The following LZIC variants were observed in gnomAD, a reference collection of about 807,000 sequenced individuals.
LZIC encodes leucine zipper and CTNNBIP1 domain containing.
Under a neutral mutation model 25.4 loss-of-function variants are expected in LZIC, and 28 were observed. The observed-to-expected ratio is 1.10, with a 90% CI of 0.82 to 1.51. The LOEUF is 1.51. Among genes scored for constraint, LZIC ranks in the 40% most tolerant of loss-of-function variants. The probability of loss-of-function intolerance (pLI) is 0.00; values close to 1 mark genes in which losing one functional copy is unlikely to be tolerated. For missense variants in LZIC, 170 were observed against 211.1 expected, an observed-to-expected ratio of 0.81 and a Z score of 1.21; for synonymous variants, 65 against 70.7, an observed-to-expected ratio of 0.92 and a Z score of 0.40.
At position 9,940,554 on chromosome 1, in the gene LZIC, G is replaced by A. The variant is rs139777128; in HGVS notation, c.-9+2070C>T. Among the ~76,000 whole-genome samples the A allele has an allele frequency of 4.4e-3, 667 of 152,106 alleles. 6 individuals are homozygous for A. Among genetic ancestry groups the A allele is most frequent in the East Asian group, 0.017 (90 of 5,168 alleles). On this transcript the variant is annotated intron_variant, in intron 2 of 7. Transcript: ENST00000377223. ...AGGATGGTCTCAATCTCCTGACCTC[G>A]TGATCCGCCCGCCTCGGCCTCCCAA...
chr1:9,930,159 C>A lies in LZIC; in HGVS notation c.*240G>T. ...TCTTAAACAGACAAATCATAACGAA[C>A]AGAGTCCAGTGAGTCCCTCTGTCGC... is the stretch of plus-strand genomic sequence containing the variant. On this transcript the variant is annotated 3_prime_UTR_variant, in exon 8 of 8. Coordinates refer to ENST00000377223, the MANE Select transcript of LZIC (RefSeq NM_032368.5). 7.9e-7 allele frequency: 1 copy of A among 1,270,932 alleles called. No individual in the cohort carries two copies. The highest frequency in any genetic ancestry group is 1.0e-6 in the Non-Finnish European group (1 of 1,002,622). 78.7% of individuals were successfully genotyped at this position (1,270,932 alleles called of 1,614,324 possible). A position where few individuals can be genotyped will look rare whatever the true frequency, so the allele number is the denominator to read the frequency against.
In LZIC at chr1:9,931,894, G is replaced by A. The variant is rs149564560; in HGVS notation, c.511C>T (p.Leu171Phe). Residue 171 changes from leucine (L) to phenylalanine (F), a missense_variant, in exon 7 of 8, where the codon CTT (leucine) becomes TTT (phenylalanine). By Grantham distance (22) the Leu-to-Phe change is conservative. Coordinates refer to ENST00000377223, the MANE Select transcript of LZIC (RefSeq NM_032368.5). ...LSQFEKVSTD[L>F]GSGDKILALA... ...TCAGAAATATGAGGGCACTCACCAA[G>A]GTCTGTAGAGACTTTCTCAAACTGG... 2.9e-5 allele frequency: 47 copies of A among 1,611,252 alleles called. No individual in the cohort carries two copies. Among genetic ancestry groups the A allele is most frequent in the Non-Finnish European group, 3.1e-5 (37 of 1,178,118 alleles).
chr1:9,935,360 G>T, intron 4 of LZIC, 132 bp downstream of exon 4: 1 of 824,044 alleles, frequency 1.2e-6, no homozygotes, highest in Non-Finnish European at 1.9e-6. Context: ...CCTGGGAGGC[G>T]GAGGTTGCAG....
rs762866788 is a variant in LZIC at position 9,934,878 on chromosome 1, CA to C, written c.238-19del. ...TGAATAGCCTAGAAACACAAGAAGGCAAAAACTAACCAAAATAGTCCAACAA... is the reference window on the plus strand; with the variant it reads ...TGAATAGCCTAGAAACACAAGAAGGCAAAACTAACCAAAATAGTCCAACAA... On this transcript the variant is annotated intron_variant, in intron 4 of 7. Coordinates refer to ENST00000377223, the MANE Select transcript of LZIC (RefSeq NM_032368.5). 1.1e-5 allele frequency: 17 copies of C among 1,557,952 alleles called. No individual in the cohort carries two copies. In the Admixed American group the frequency reaches 2.7e-4, roughly 25 times the overall value.
In LZIC at chr1:9,930,090, AAAAC is replaced by A. The variant is rs1314416707; in HGVS notation, c.*305_*308del. ...TCTTTTCGTTCACTATCAACACTTA[AAAAC>A]AAACAGCCTTAATAAAAATCAAGTC... On this transcript the variant is annotated 3_prime_UTR_variant, in exon 8 of 8. Coordinates refer to ENST00000377223, the MANE Select transcript of LZIC (RefSeq NM_032368.5). 8 of 1,105,542 alleles carry A rather than the reference AAAAC, an allele frequency of 7.2e-6. No homozygotes were observed. The African/African-American group carries it at 8.0e-5, about 11-fold the overall frequency. The allele number at this position is 1,105,542 out of a possible 1,614,324, so 68.5% of individuals were successfully genotyped here.
chr1:9,927,675 CCTCTTTTT>C lies in LZIC; in HGVS notation c.*2716_*2723del, dbSNP rs1438993626. On this transcript the variant is annotated 3_prime_UTR_variant, in exon 8 of 8. Transcript: ENST00000377223. ...TGCAGGGTAAGGGAAGAATCTTCTT[CCTCTTTTT>C]TTTTTTTTTTTTTTTTTTGAGACCG... 7.1e-6 allele frequency among the ~76,000 whole-genome samples: 1 copy of C among 141,658 alleles called. No individual in the cohort carries two copies. Among genetic ancestry groups the C allele is most frequent in the East Asian group, 2.1e-4 (1 of 4,730 alleles). 92.9% of individuals were successfully genotyped at this position (141,658 alleles called of 152,430 possible).
chr1:9,922,940 T>C (rs1219581139), downstream of LZIC, among the ~76,000 whole-genome samples: 4 of 152,204 alleles, frequency 2.6e-5, no homozygotes, highest in African/African-American at 4.8e-5. Context: ...GACTATACTA[T>C]AACACATACA....
In LZIC at chr1:9,941,905, A is replaced by T. The variant is rs58342183; in HGVS notation, c.-9+719T>A. Among the ~76,000 whole-genome samples the T allele has an allele frequency of 8.5e-3, 1,298 of 152,050 alleles. 21 individuals carry two copies. The highest frequency in any genetic ancestry group is 0.03 in the African/African-American group (1,246 of 41,474). Reference sequence around the variant, plus strand: ...GAGAATTGATTGCTTCTTCTTTAGCATTCAAATCTTTTTTTTTAAAATTTT... The same window carrying T: ...GAGAATTGATTGCTTCTTCTTTAGCTTTCAAATCTTTTTTTTTAAAATTTT... On this transcript the variant is annotated intron_variant, in intron 2 of 7. Coordinates refer to ENST00000377223, the MANE Select transcript of LZIC (RefSeq NM_032368.5).
In LZIC at chr1:9,935,600, T is replaced by C; in HGVS notation, c.129A>G (p.Glu43=). The change falls in exon 4 of 8, where the codon GAA becomes GAG. Residue 43 remains glutamate (E), a synonymous_variant. Coordinates refer to ENST00000377223, the MANE Select transcript of LZIC (RefSeq NM_032368.5). Reference sequence around the variant, plus strand: ...GCTCCAGAGTTTCCTTTTTGGTTTCTTCATATTCATCTGTATCAAGTTCCT... The same window carrying C: ...GCTCCAGAGTTTCCTTTTTGGTTTCCTCATATTCATCTGTATCAAGTTCCT... ...CREELDTDEY[E]ETKKETLEQL... The C allele has an allele frequency of 6.2e-7, 1 of 1,610,396 alleles. No individual in the cohort carries two copies. Among genetic ancestry groups the C allele is most frequent in the Non-Finnish European group, 8.5e-7 (1 of 1,179,122 alleles).
chr1:9,928,135 A>T lies in LZIC; in HGVS notation c.*2264T>A, dbSNP rs1640054966. On this transcript the variant is annotated 3_prime_UTR_variant, in exon 8 of 8. Coordinates refer to ENST00000377223, the MANE Select transcript of LZIC (RefSeq NM_032368.5). ...TTCGAGACCAGCCTGACCAACATGG[A>T]GAAACCCCATCTCTACTAAAAACAC... Among the ~76,000 whole-genome samples the T allele has an allele frequency of 6.6e-6, 1 of 151,984 alleles. No homozygotes were observed. Among genetic ancestry groups the T allele is most frequent in the African/African-American group, 2.4e-5 (1 of 41,406 alleles).
chr1:9,938,531 T>C (rs548461247), intron 2 of LZIC, among the ~76,000 whole-genome samples: 6 of 152,280 alleles, frequency 3.9e-5, no homozygotes, highest in Admixed American at 3.3e-4. Context: ...ATCTTTCTCT[T>C]ACTGATTTAT....
rs1202307249 is a variant in LZIC, at chr1:9,929,694, G to A, written c.*705C>T. ...ACAACGGGCCCCATTAATACAGACA[G>A]CTTACAGGCTGGGGGATGGTCCCTT... On this transcript the variant is annotated 3_prime_UTR_variant, in exon 8 of 8. Transcript: ENST00000377223. 1 of 985,296 alleles carries A rather than the reference G, an allele frequency of 1.0e-6. No individual in the cohort carries two copies. The highest frequency in any genetic ancestry group is 1.2e-6 in the Non-Finnish European group (1 of 829,938). The allele number at this position is 985,296 out of a possible 1,614,324, so 61.0% of individuals were successfully genotyped here. A position where few individuals can be genotyped will look rare whatever the true frequency, so the allele number is the denominator to read the frequency against.
downstream of LZIC, among the ~76,000 whole-genome samples, chr1:9,924,112 T>C (rs1020284500): frequency 5.3e-5 from 8 of 151,450 alleles, no homozygotes; most frequent in Non-Finnish European, 7.4e-5. Flanking sequence ...GGTCTCGAAC[T>C]CCTGATCTCG....
downstream of LZIC, among the ~76,000 whole-genome samples, chr1:9,923,583 A>G (rs1639912142): frequency 1.4e-5 from 2 of 144,174 alleles, no homozygotes; most frequent in South Asian, 2.2e-4. Context: ...AGGCTGGACT[A>G]GAACTCTAGG....
In LZIC at chr1:9,930,344, G is replaced by A. The variant is rs2101584490; in HGVS notation, c.*55C>T. The A allele has an allele frequency of 6.3e-7, 1 of 1,592,442 alleles. No homozygotes were observed. The highest frequency in any genetic ancestry group is 1.4e-5 in the African/African-American group (1 of 73,884). ...TTTGCAATAACTGAAAACCCCAGAA[G>A]AAAGACACCATTTACATTAAGAATG... On this transcript the variant is annotated 3_prime_UTR_variant, in exon 8 of 8. Transcript: ENST00000377223.
chr1:9,930,716 T>A lies in LZIC; in HGVS notation c.515-259A>T, dbSNP rs189803229. On this transcript the variant is annotated intron_variant, in intron 7 of 7. Transcript: ENST00000377223. ...GAAATATAATATGTAAAATTTAATTTATTTATTTATTTATTTTTTTGAGAT... is the reference window on the plus strand; with the variant it reads ...GAAATATAATATGTAAAATTTAATTAATTTATTTATTTATTTTTTTGAGAT... Among the ~76,000 whole-genome samples the A allele has an allele frequency of 7.4e-4, 112 of 152,166 alleles. 1 individual carries two copies. Among genetic ancestry groups the A allele is most frequent in the East Asian group, 7.1e-3 (37 of 5,186 alleles).
Position 9,929,990 on chromosome 1 carries a change from T to G in LZIC, c.*409A>C. 1 of 989,574 alleles carries G rather than the reference T, an allele frequency of 1.0e-6. No individual in the cohort carries two copies. Among genetic ancestry groups the G allele is most frequent in the Non-Finnish European group, 1.2e-6 (1 of 831,604 alleles). 61.3% of individuals were successfully genotyped at this position (989,574 alleles called of 1,614,324 possible). A position where few individuals can be genotyped will look rare whatever the true frequency, so the allele number is the denominator to read the frequency against. On this transcript the variant is annotated 3_prime_UTR_variant, in exon 8 of 8. Transcript: ENST00000377223. Reference sequence around the variant, plus strand: ...TAAAATTCTATGAACACTTATGAAGTCTATTGAGCTTGCGTCACTGTTCAC... The same window carrying G: ...TAAAATTCTATGAACACTTATGAAGGCTATTGAGCTTGCGTCACTGTTCAC...
At chr1:9,932,727 T>C in intron 6 of LZIC, 76 bp downstream of exon 6, 1 of 647,756 alleles carries the variant, frequency 1.5e-6, no homozygotes, top group South Asian at 1.7e-5. Context: ...TACCACAAAC[T>C]AGACCACAGA....
chr1:9,938,772 T>G (rs544131180), intron 2 of LZIC, among the ~76,000 whole-genome samples: 68 of 152,352 alleles, frequency 4.5e-4, no homozygotes, highest in Middle Eastern at 3.4e-3. Flanking sequence ...TAAATCTTCT[T>G]CGTTTTGTGA....
Sources: allele counts gnomAD v4.1 joint callset (sites outside exome capture counted in the v4.1 genomes callset), GRCh38; gene constraint gnomAD v4.1.1; transcripts MANE v1.5; gene names NCBI Gene and HGNC (gene_info 2026-07-23, HGNC 2026-07-21).